MAP4K4: variants seen among roughly 807,000 people sequenced by gnomAD.
The protein encoded by MAP4K4 is mitogen-activated protein kinase kinase kinase kinase 4, also known as HPK/GCK-like kinase HGK.
MAP4K4 carries 38 observed loss-of-function variants against 189.6 expected under a neutral mutation model. The ratio of observed to expected loss-of-function variants is 0.20; its 90% CI spans 0.15 to 0.26. The LOEUF is 0.26. MAP4K4 is among the 10% of genes least tolerant of loss of function. MAP4K4 has a pLI of 1.00. For missense variants in MAP4K4, 1,054 were observed against 1,726.9 expected, an observed-to-expected ratio of 0.61 and a Z score of 6.91; for synonymous variants, 610 against 624.3, an observed-to-expected ratio of 0.98 and a Z score of 0.34.
At chr2:101,736,932 C>T (rs1251451901) in intron 2 of MAP4K4, among the ~76,000 whole-genome samples, 1 of 152,178 alleles carries the variant, frequency 6.6e-6, no homozygotes, top group African/African-American at 2.4e-5. Flanking sequence ...TCCCTCATTC[C>T]TTCCTTTCTC....
At chr2:101,842,344 G>A (rs1032627315) in intron 10 of MAP4K4, among the ~76,000 whole-genome samples, 9 of 152,098 alleles carry the variant, frequency 5.9e-5, no homozygotes, top group African/African-American at 1.7e-4. Flanking sequence ...GGTCCTGCAC[G>A]TCCTCAGCAG....
At chr2:101,792,822 C>T (rs2093151895) in intron 3 of MAP4K4, among the ~76,000 whole-genome samples, 1 of 152,004 alleles carries the variant, frequency 6.6e-6, no homozygotes, top group Non-Finnish European at 1.5e-5. Flanking sequence ...TTTAGTAAGA[C>T]AGGGTTTCAC....
At chr2:101,816,924 G>A (rs1291145084) in intron 3 of MAP4K4, among the ~76,000 whole-genome samples, 3 of 152,142 alleles carry the variant, frequency 2.0e-5, no homozygotes, top group Non-Finnish European at 4.4e-5. Flanking sequence ...TCCAAGGACA[G>A]AGGAGATGGA....
chr2:101,750,702 G>A (rs748567084), intron 2 of MAP4K4, among the ~76,000 whole-genome samples: 7 of 151,890 alleles, frequency 4.6e-5, no homozygotes, highest in Non-Finnish European at 8.8e-5. Flanking sequence ...GTGCAGGCCT[G>A]TAATCCTAGC....
At chr2:101,877,806 A>G (rs968165338) in intron 27 of MAP4K4, among the ~76,000 whole-genome samples, 7 of 146,394 alleles carry the variant, frequency 4.8e-5, no homozygotes, top group South Asian at 2.2e-4. Flanking sequence ...CTGGAGTGCA[A>G]TGGCACAATC....
At chr2:101,839,921 G>A in exon 10 of MAP4K4, 1 of 1,613,912 alleles carries the variant, frequency 6.2e-7, no homozygotes, top group Non-Finnish European at 8.5e-7. Flanking sequence ...TAAGGGATCA[G>A]CCAAATGAAA....
At chr2:101,699,574 G>C (rs552034321) in intron 2 of MAP4K4, among the ~76,000 whole-genome samples, 1 of 152,294 alleles carries the variant, frequency 6.6e-6, no homozygotes, top group South Asian at 2.1e-4. Context: ...ATGAAGAATT[G>C]TCATTGTCTC....
chr2:101,784,455 A>G (rs1211387509), intron 2 of MAP4K4, among the ~76,000 whole-genome samples: 1 of 152,202 alleles, frequency 6.6e-6, no homozygotes, highest in Non-Finnish European at 1.5e-5. Flanking sequence ...ACTATTAAGC[A>G]AATATAAAGC....
intron 2 of MAP4K4, among the ~76,000 whole-genome samples, chr2:101,720,111 GA>G (rs1199991905): frequency 2.0e-5 from 3 of 152,000 alleles, no homozygotes; most frequent in Non-Finnish European, 2.9e-5. Flanking sequence ...AAAATGTCTG[GA>G]CAGAGATTTG....
At chr2:101,715,801 C>T (rs1386843184) in intron 2 of MAP4K4, among the ~76,000 whole-genome samples, 2 of 152,154 alleles carry the variant, frequency 1.3e-5, no homozygotes, top group Non-Finnish European at 2.9e-5. Context: ...AGGAGCCAGT[C>T]CCCACAGCAG....
chr2:101,731,193 T>C (rs1000013037), intron 2 of MAP4K4, among the ~76,000 whole-genome samples: 1 of 151,886 alleles, frequency 6.6e-6, no homozygotes, highest in Non-Finnish European at 1.5e-5. Context: ...CTCGGCTCAC[T>C]GCAACCTCCG....
At chr2:101,747,886 T>G (rs1048769101) in intron 2 of MAP4K4, among the ~76,000 whole-genome samples, 2 of 152,232 alleles carry the variant, frequency 1.3e-5, no homozygotes, top group African/African-American at 4.8e-5. Flanking sequence ...CTTATACTTT[T>G]TGGCACCTCT....
intron 4 of MAP4K4, 33 bp from the exon 5 acceptor site, chr2:101,825,286 T>C (rs770354183): frequency 8.6e-6 from 12 of 1,401,810 alleles, no homozygotes; most frequent in African/African-American, 2.9e-5. Context: ...CTCCAAGATA[T>C]GTTGCTCACC....
chr2:101,887,981 C>A (rs377231093), intron 31 of MAP4K4, 44 bp downstream of exon 31: 2 of 1,512,202 alleles, frequency 1.3e-6, no homozygotes, highest in East Asian at 2.3e-5. Flanking sequence ...AAAATGGAGC[C>A]GTGTCTGAGA....
chr2:101,836,825 C>CAG (rs943854177), intron 9 of MAP4K4, among the ~76,000 whole-genome samples: 3 of 152,120 alleles, frequency 2.0e-5, no homozygotes, highest in African/African-American at 4.8e-5. Flanking sequence ...CTGATACCCG[C>CAG]AGAGAGAGAG....
intron 3 of MAP4K4, among the ~76,000 whole-genome samples, chr2:101,792,227 G>T (rs1323037193): frequency 6.6e-6 from 1 of 152,152 alleles, no homozygotes; most frequent in Non-Finnish European, 1.5e-5. Context: ...GTTGGGAGTG[G>T]TGTTGCTGGA....
intron 2 of MAP4K4, among the ~76,000 whole-genome samples, chr2:101,729,921 A>G (rs1347559762): frequency 2.0e-5 from 3 of 152,060 alleles, no homozygotes; most frequent in African/African-American, 7.2e-5. Context: ...GTTTCCTGCA[A>G]CCCTCAGCAC....
At chr2:101,882,111 A>G (rs2098406912) in intron 27 of MAP4K4, among the ~76,000 whole-genome samples, 1 of 152,232 alleles carries the variant, frequency 6.6e-6, no homozygotes, top group African/African-American at 2.4e-5. Context: ...CTAACAGTTT[A>G]CAACACTAGT....
intron 3 of MAP4K4, among the ~76,000 whole-genome samples, chr2:101,803,245 A>ATGTATGTGTG (rs1553484244): frequency 6.7e-6 from 1 of 150,244 alleles, no homozygotes; most frequent in Non-Finnish European, 1.5e-5. Flanking sequence ...GATGATGATG[A>ATGTATGTGTG]TGTGTGTGTG....
Sources: gnomAD v4.1 joint callset for allele counts (sites outside exome capture counted in the v4.1 genomes callset) on GRCh38, gnomAD v4.1.1 for gene constraint, MANE v1.5 for transcripts, NCBI Gene and HGNC (gene_info 2026-07-23, HGNC 2026-07-21) for gene names.